The following A2M variants were observed in gnomAD, a reference collection of about 807,000 sequenced individuals.
The protein encoded by A2M is alpha-2-macroglobulin.
A neutral mutation model predicts 183.9 loss-of-function variants in A2M; 128 were observed. The observed-to-expected ratio is 0.70, with a 90% confidence interval of 0.60 to 0.81. A2M has a LOEUF of 0.81. Ranked by LOEUF, A2M falls within the 30% of genes least tolerant of loss-of-function variation. A2M has a pLI of 0.00. For synonymous variants in A2M, 592 were observed against 670.8 expected, an observed-to-expected ratio of 0.88 and a Z score of 1.81; for missense variants, 1,495 against 1,787.6, an observed-to-expected ratio of 0.84 and a Z score of 2.95.
At chr12:9,089,005 C>G (rs182486285) in intron 22 of A2M, among the ~76,000 whole-genome samples, 195 bp downstream of exon 22, 1 of 152,328 alleles carries the variant, frequency 6.6e-6, no homozygotes, top group African/African-American at 2.4e-5. Flanking sequence ...AAGATCAAGA[C>G]TCAGAATGCA....
chr12:9,075,907 T>C (rs1042122458), intron 28 of A2M, among the ~76,000 whole-genome samples: 5 of 152,244 alleles, frequency 3.3e-5, no homozygotes, highest in Non-Finnish European at 4.4e-5. Flanking sequence ...GCTTATGCCC[T>C]TTTGTATATC....
intron 19 of A2M, 114 bp from the exon 20 acceptor site, chr12:9,090,596 A>G: frequency 9.3e-7 from 1 of 1,071,506 alleles, no homozygotes; most frequent in Non-Finnish European, 1.3e-6. Context: ...CACATTAAAG[A>G]TGATATAAAT....
chr12:9,076,585 T>G (rs1647645417), intron 28 of A2M, among the ~76,000 whole-genome samples, 171 bp downstream of exon 28: 1 of 152,226 alleles, frequency 6.6e-6, no homozygotes, highest in Non-Finnish European at 1.5e-5. Flanking sequence ...TGATTTCTGA[T>G]TTGATTAAGA....
Position 9,094,930 on chromosome 12 carries a change from G to A in A2M, c.2125+43C>T, listed in dbSNP as rs777526172. ...TATCTTTTAAAAAATTTAAAATTTG[G>A]TGAATATATTAGGCAATATATATTT... On this transcript the variant is annotated intron_variant, in intron 17 of 35. Coordinates refer to ENST00000318602, the MANE Select transcript of A2M (RefSeq NM_000014.6). 2.8e-6 allele frequency: 3 copies of A among 1,087,366 alleles called. No homozygotes were observed. In the South Asian group the frequency reaches 6.2e-5, roughly 22 times the overall value. The allele number at this position is 1,087,366 out of a possible 1,614,324, so 67.4% of individuals were successfully genotyped here. A position where few individuals can be genotyped will look rare whatever the true frequency, so the allele number is the denominator to read the frequency against.
At chr12:9,093,668 A>G in intron 17 of A2M, 89 bp from the exon 18 acceptor site, 1 of 737,498 alleles carries the variant, frequency 1.4e-6, no homozygotes, top group African/African-American at 1.8e-5. Context: ...AAAAAAAAAC[A>G]AAAAACAAAT....
At chr12:9,106,415 C>T in intron 9 of A2M, 70 bp from the exon 10 acceptor site, 1 of 1,431,836 alleles carries the variant, frequency 7.0e-7, no homozygotes, top group Non-Finnish European at 9.8e-7. Flanking sequence ...CACCTCCCCC[C>T]AACTTACAAT....
At chr12:9,076,585 TTTGA>T (rs1194773347) in intron 28 of A2M, among the ~76,000 whole-genome samples, 167 bp downstream of exon 28, 1 of 152,226 alleles carries the variant, frequency 6.6e-6, no homozygotes, top group East Asian at 1.9e-4. Flanking sequence ...TGATTTCTGA[TTTGA>T]TTAAGAAATC....
At chr12:9,109,079 C>G (rs771615721) in intron 7 of A2M, among the ~76,000 whole-genome samples, 1 of 151,964 alleles carries the variant, frequency 6.6e-6, no homozygotes, top group Non-Finnish European at 1.5e-5. Context: ...AGAATCAATC[C>G]TATTAGCATA....
intron 34 of A2M, 31 bp downstream of exon 34, chr12:9,068,709 A>T (rs1364415628): frequency 8.0e-6 from 12 of 1,504,628 alleles, no homozygotes; most frequent in Non-Finnish European, 1.1e-5. Flanking sequence ...CAGGAATTAA[A>T]TATTTCTACG....
intron 22 of A2M, among the ~76,000 whole-genome samples, chr12:9,081,002 A>G (rs772986397): frequency 1.5e-4 from 23 of 152,210 alleles, no homozygotes; most frequent in Non-Finnish European, 2.1e-4. Flanking sequence ...TGAATTATAT[A>G]CAAATGAAAA....
intron 33 of A2M, chr12:9,069,085 G>A (rs1256105063): frequency 6.0e-6 from 2 of 331,912 alleles, no homozygotes; most frequent in East Asian, 9.8e-5. Flanking sequence ...GTTCATGGGG[G>A]TAAATGATAT....
In A2M at chr12:9,115,824, G is replaced by A. The variant is rs1262945299; in HGVS notation, c.26C>T (p.Pro9Leu). Residue 9 changes from proline to leucine, a missense_variant, in exon 1 of 36, where the codon CCA (proline) becomes CTA (leucine). By Grantham distance (98) the Pro-to-Leu change is moderately conservative. Coordinates refer to ENST00000318602, the MANE Select transcript of A2M (RefSeq NM_000014.6). MGKNKLLH[P>L]SLVLLLLVLL... ...GACCAAGAGGAGAAGAACCAGACTT[G>A]GATGAAGGAGTTTGTTCTTCCCCAT... 2.5e-6 allele frequency: 4 copies of A among 1,613,454 alleles called. No individual in the cohort carries two copies.
chr12:9,068,954 A>G, intron 33 of A2M, 112 bp from the exon 34 acceptor site: 1 of 646,062 alleles, frequency 1.5e-6, no homozygotes, highest in Non-Finnish European at 2.6e-6. Flanking sequence ...CCTACAGCAC[A>G]CTATAGGGTC....
chr12:9,098,042 A>C (rs972788770), intron 15 of A2M, among the ~76,000 whole-genome samples: 8 of 151,964 alleles, frequency 5.3e-5, no homozygotes, highest in Middle Eastern at 3.4e-3. Context: ...TAGTTTGACA[A>C]CTCCTATTAC....
At chr12:9,093,091 T>A (rs1949261052) in intron 18 of A2M, among the ~76,000 whole-genome samples, 1 of 152,170 alleles carries the variant, frequency 6.6e-6, no homozygotes, top group African/African-American at 2.4e-5. Flanking sequence ...TGGTTGGGGT[T>A]GCAGGGATGG....
intron 1 of A2M, among the ~76,000 whole-genome samples, chr12:9,114,737 ACAT>A (rs1938995736): frequency 3.1e-5 from 1 of 32,616 alleles, no homozygotes; most frequent in African/African-American, 4.3e-4. Context: ...ATACATAAAT[ACAT>A]ATATATGTAA....
intron 4 of A2M, chr12:9,111,419 C>G (rs1938718834): frequency 2.4e-6 from 1 of 418,304 alleles, no homozygotes; most frequent in African/African-American, 2.1e-5. Flanking sequence ...AAAGTAGAAG[C>G]TGGGAGACCA....
intron 13 of A2M, among the ~76,000 whole-genome samples, chr12:9,100,687 C>G (rs895728542): frequency 1.3e-5 from 2 of 152,170 alleles, no homozygotes; most frequent in Admixed American, 1.3e-4. Context: ...CCTCAACTTT[C>G]TTTTAATTAA....
Position 9,095,047 on chromosome 12 carries a change from C to G in A2M, c.2051G>C (p.Arg684Pro). 6.3e-7 allele frequency: 1 copy of G among 1,595,122 alleles called. No individual in the cohort carries two copies. Among genetic ancestry groups the G allele is most frequent in the African/African-American group, 1.3e-5 (1 of 74,714 alleles). Residue 684 changes from arginine (R) to proline (P), a missense_variant, in exon 17 of 36, where the codon CGT (arginine) becomes CCT (proline). Arg to Pro is a moderately radical substitution (Grantham distance 103, BLOSUM62 -2). Coordinates refer to ENST00000318602, the MANE Select transcript of A2M (RefSeq NM_000014.6). Reference sequence around the variant, plus strand: ...AAGCTGTGGACACATTTTGGGTTTACGAATCTTTGAGTTGGTGAATGCCTT... The same window carrying G: ...AAGCTGTGGACACATTTTGGGTTTAGGAATCTTTGAGTTGGTGAATGCCTT... ...GLKAFTNSKI[R>P]KPKMCPQLQQ...
Sources: allele counts gnomAD v4.1 joint callset (sites outside exome capture counted in the v4.1 genomes callset), GRCh38; gene constraint gnomAD v4.1.1; transcripts MANE v1.5; gene names NCBI Gene and HGNC (gene_info 2026-07-23, HGNC 2026-07-21).